FASTKD1: variants seen among roughly 807,000 people sequenced by gnomAD.
The protein encoded by FASTKD1 is FAST kinase domains 1, also known as FAST kinase domain-containing protein 1, mitochondrial.
In FASTKD1, 94 loss-of-function variants were observed where a neutral mutation model predicts 90.9. The observed-to-expected ratio is 1.03, with a 90% CI of 0.88 to 1.23. The LOEUF is 1.23. Ranked by LOEUF, FASTKD1 falls within the 50% of genes most tolerant of loss-of-function variation. The pLI, the probability that FASTKD1 is intolerant of heterozygous loss-of-function variation, is 0.00. For synonymous variants in FASTKD1, 319 were observed against 345.8 expected (o/e 0.92, Z 0.86); for missense variants, 945 against 993.5 (o/e 0.95, Z 0.66).
chr2:169,530,187 C>G (rs1684417305), intron 14 of FASTKD1, among the ~76,000 whole-genome samples: 1 of 152,192 alleles, frequency 6.6e-6, no homozygotes, highest in African/African-American at 2.4e-5. Flanking sequence ...ATATTCATAC[C>G]TAGTTGTTTC....
chr2:169,561,832 T>TATTGTAAATTATTTATTAATTA (rs1683652066), intron 4 of FASTKD1, among the ~76,000 whole-genome samples: 1 of 145,188 alleles, frequency 6.9e-6, no homozygotes, highest in African/African-American at 2.5e-5. Context: ...TTTATTAATT[T>TATTGTAAATTATTTATTAATTA]ATTGTAAATT....
rs1683549274 is a variant in FASTKD1 at position 169,560,686 on chromosome 2, A to C, written c.672T>G (p.Asp224Glu). ...TTTTTGCAACGTTGACCTCAGAAGA[A>C]TCTATGGTGTCAAAAAGAAGTTCTG... ...NKTELLFDTI[D>E]SSEVNVAKSI... Residue 224 changes from aspartate (D) to glutamate (E), a missense_variant, in exon 5 of 15, where the codon GAT (aspartate) becomes GAG (glutamate). Coordinates refer to ENST00000453153, the MANE Select transcript of FASTKD1 (RefSeq NM_024622.6). The C allele has an allele frequency of 6.2e-7, 1 of 1,611,044 alleles. No homozygotes were observed. Among genetic ancestry groups the C allele is most frequent in the African/African-American group, 1.3e-5 (1 of 74,764 alleles).
At chr2:169,535,470 T>TATTG (rs1684689316) in intron 12 of FASTKD1, among the ~76,000 whole-genome samples, 1 of 150,622 alleles carries the variant, frequency 6.6e-6, no homozygotes, top group Admixed American at 6.6e-5. Flanking sequence ...ATTTATTATT[T>TATTG]GTTTATTTAT....
At chr2:169,562,183 T>C (rs1293959597) in intron 4 of FASTKD1, among the ~76,000 whole-genome samples, 2 of 150,980 alleles carry the variant, frequency 1.3e-5, no homozygotes, top group South Asian at 2.1e-4. Context: ...TTTGGTTTTT[T>C]TGGATTTTGT....
In FASTKD1 at chr2:169,546,565, T is replaced by A; in HGVS notation, c.1354A>T (p.Ser452Cys). The change falls in exon 8 of 15, where the codon AGT becomes TGT. Residue 452 changes from serine to cysteine, a missense_variant. Physicochemically the swap from Ser to Cys is moderately radical, Grantham distance 112 (BLOSUM62 -1). Coordinates refer to ENST00000453153, the MANE Select transcript of FASTKD1 (RefSeq NM_024622.6). ...CTTAAAACAGATGTGGCAAAACTAC[T>A]CAGGTTATTTAGGTCACACTGTGGT... ...VLPQCDLNNLSSFATSVLRWI... is the reference protein window; with the variant it reads ...VLPQCDLNNLCSFATSVLRWI... 6.2e-7 allele frequency: 1 copy of A among 1,614,172 alleles called. No homozygotes were observed. The highest frequency in any genetic ancestry group is 8.5e-7 in the Non-Finnish European group (1 of 1,180,042).
In FASTKD1 at chr2:169,557,190, T is replaced by C. The variant is rs1683358136; in HGVS notation, c.1079A>G (p.Lys360Arg). The C allele has an allele frequency of 6.3e-7, 1 of 1,596,798 alleles. No homozygotes were observed. The highest frequency in any genetic ancestry group is 1.3e-5 in the African/African-American group (1 of 74,534). Residue 360 changes from lysine (K) to arginine (R), a missense_variant, in exon 6 of 15, where the codon AAA becomes AGA. Physicochemically the swap from Lys to Arg is conservative, Grantham distance 26. Transcript: ENST00000453153. ...DMESRNSCLIKRVTSVLHKHL... is the reference protein window; with the variant it reads ...DMESRNSCLIRRVTSVLHKHL... Reference sequence around the variant, plus strand: ...TCGTAAATTTCAGAAAAGATACCTTTTAATCAGACATGAGTTTCTGCTTTC... The same window carrying C: ...TCGTAAATTTCAGAAAAGATACCTTCTAATCAGACATGAGTTTCTGCTTTC...
Position 169,555,255 on chromosome 2 carries a change from T to A in FASTKD1, c.1083A>T (p.Arg361Ser). Residue 361 changes from arginine (R) to serine (S), a missense_variant and splice_region_variant, in exon 7 of 15, where the codon AGA becomes AGT. By Grantham distance (110) the Arg-to-Ser change is moderately radical (BLOSUM62 -1). Coordinates refer to ENST00000453153, the MANE Select transcript of FASTKD1 (RefSeq NM_024622.6). ...MESRNSCLIK[R>S]VTSVLHKHLD... is the part of the protein sequence containing the mutation. ...AATGTTTATGCAGAACTGAAGTAAC[T>A]CTAAAAAGGATAGAGCATATATTAT... is the stretch of plus-strand genomic sequence containing the variant. The A allele has an allele frequency of 6.2e-7, 1 of 1,605,136 alleles. No individual in the cohort carries two copies. The highest frequency in any genetic ancestry group is 2.2e-5 in the East Asian group (1 of 44,788).
chr2:169,553,905 G>C (rs12475958), intron 7 of FASTKD1, among the ~76,000 whole-genome samples: 11,341 of 151,670 alleles, frequency 0.075, 563 homozygotes, highest in South Asian at 0.21. Context: ...CTGGGCGACA[G>C]AGCGAGACTC....
intron 8 of FASTKD1, among the ~76,000 whole-genome samples, chr2:169,545,163 T>C (rs12470809): frequency 0.076 from 11,508 of 152,194 alleles, 576 homozygotes; most frequent in South Asian, 0.21. Flanking sequence ...GGTGGGAGGA[T>C]TGCTTGAGGC....
intron 9 of FASTKD1, among the ~76,000 whole-genome samples, chr2:169,542,118 C>A (rs554796911): frequency 4.1e-4 from 63 of 152,308 alleles, no homozygotes; most frequent in Middle Eastern, 6.8e-3. Context: ...TTACCCTGCT[C>A]TAATGTTCTT....
chr2:169,530,547 C>T (rs779683541), intron 14 of FASTKD1, 40 bp downstream of exon 14: 1 of 1,166,694 alleles, frequency 8.6e-7, no homozygotes, highest in African/African-American at 1.5e-5. Context: ...GCTAGTGTCT[C>T]TGGGCTTTTT....
chr2:169,548,935 A>C (rs1242877554), intron 7 of FASTKD1, among the ~76,000 whole-genome samples: 2 of 151,686 alleles, frequency 1.3e-5, no homozygotes, highest in Non-Finnish European at 1.5e-5. Flanking sequence ...TCTACTAAAA[A>C]TACAAAAAAG....
Position 169,572,123 on chromosome 2 carries a change from T to C in FASTKD1, c.-94A>G, listed in dbSNP as rs1684263122. On this transcript the variant is annotated 5_prime_UTR_variant, in exon 2 of 15. In the 5' UTR this introduces an upstream ATG that the reference lacks. Coordinates refer to ENST00000453153, the MANE Select transcript of FASTKD1 (RefSeq NM_024622.6). ...TACAAATAACAGTTTTTCCTTCATG[T>C]ATTTTGCTTCCATTACAATGACTGT... The C allele has an allele frequency of 8.3e-6, 12 of 1,449,298 alleles. No individual in the cohort carries two copies. The highest frequency in any genetic ancestry group is 7.3e-6 in the Non-Finnish European group (8 of 1,093,444). 89.8% of individuals were successfully genotyped at this position (1,449,298 alleles called of 1,614,324 possible). A position where few individuals can be genotyped will look rare whatever the true frequency, so the allele number is the denominator to read the frequency against.
intron 4 of FASTKD1, among the ~76,000 whole-genome samples, chr2:169,561,936 TTTA>T (rs573279287): frequency 0.012 from 1,742 of 140,312 alleles, 159 homozygotes; most frequent in African/African-American, 0.043. Flanking sequence ...TATTTGTTAA[TTTA>T]TTATAAATTA....
chr2:169,529,815 T>C lies in FASTKD1; in HGVS notation c.*10A>G. On this transcript the variant is annotated 3_prime_UTR_variant, in exon 15 of 15. Coordinates refer to ENST00000453153, the MANE Select transcript of FASTKD1 (RefSeq NM_024622.6). ...ATGTAACACACGATAACATTCATTT[T>C]AAATAAAAACTACAAACATGACTTG... is the stretch of plus-strand genomic sequence containing the variant. 6.3e-7 allele frequency: 1 copy of C among 1,578,000 alleles called. No individual in the cohort carries two copies. The highest frequency in any genetic ancestry group is 1.1e-5 in the South Asian group (1 of 87,754).
intron 12 of FASTKD1, among the ~76,000 whole-genome samples, chr2:169,534,609 G>A (rs565613119): frequency 2.0e-3 from 305 of 151,870 alleles, no homozygotes; most frequent in Admixed American, 4.3e-3. Context: ...ACAGGCGTGC[G>A]CCACCACGCC....
In FASTKD1 at chr2:169,555,149, C is replaced by T; in HGVS notation, c.1189G>A (p.Ala397Thr). 1 of 1,611,492 alleles carries T rather than the reference C, an allele frequency of 6.2e-7. No homozygotes were observed. Among genetic ancestry groups the T allele is most frequent in the Non-Finnish European group, 8.5e-7 (1 of 1,179,206 alleles). ...CTAAGCAGTAATTCTCTAAGTTTCG[C>T]AAAAAACTCCTTCCTTTGGAAATGC... is the stretch of plus-strand genomic sequence containing the variant. Reference protein sequence around the residue: ...FLHFQRKEFFAKLRELLLSYL... With the variant: ...FLHFQRKEFFTKLRELLLSYL... The change falls in exon 7 of 15, where the codon GCG becomes ACG. Residue 397 changes from alanine (A) to threonine (T), a missense_variant. Ala to Thr is a moderately conservative substitution (Grantham distance 58, BLOSUM62 0). Transcript: ENST00000453153.
At chr2:169,568,628 T>TCAAAAAAAAAAAAAAAAA (rs1684096583) in intron 3 of FASTKD1, among the ~76,000 whole-genome samples, 1 of 41,506 alleles carries the variant, frequency 2.4e-5, no homozygotes, top group African/African-American at 6.6e-5. Flanking sequence ...CCCTGTCCAT[T>TCAAAAAAAAAAAAAAAAA]AAAAAAAAAA....
At chr2:169,532,698 T>TA (rs1206818337) in intron 12 of FASTKD1, among the ~76,000 whole-genome samples, 2 of 151,832 alleles carry the variant, frequency 1.3e-5, no homozygotes, top group African/African-American at 4.8e-5. Flanking sequence ...AATTTTAAGT[T>TA]AAAAAAAGAA....
Sources: gnomAD v4.1 joint callset for allele counts (sites outside exome capture counted in the v4.1 genomes callset) on GRCh38, gnomAD v4.1.1 for gene constraint, MANE v1.5 for transcripts, NCBI Gene and HGNC (gene_info 2026-07-23, HGNC 2026-07-21) for gene names.